Variants in KLF12 observed in about 807,000 individuals in gnomAD.
KLF12 encodes the protein KLF transcription factor 12, also known as Krueppel-like factor 12.
KLF12 carries 9 observed loss-of-function variants against 37.8 expected under a neutral mutation model. The ratio of observed to expected loss-of-function variants is 0.24; its 90% CI spans 0.14 to 0.42. KLF12 has a LOEUF of 0.42. KLF12 is among the 10% of genes least tolerant of loss of function. The pLI is 1.00. For synonymous variants in KLF12, 208 were observed against 202.1 expected (o/e 1.03, Z -0.25); for missense variants, 411 against 516.0 (o/e 0.80, Z 1.97).
intron 2 of KLF12, among the ~76,000 whole-genome samples, chr13:73,958,673 A>G (rs1419394432): frequency 6.6e-6 from 1 of 152,114 alleles, no homozygotes; most frequent in African/African-American, 2.4e-5. Context: ...GCTGTTCTAC[A>G]TTATCATGTC....
intron 1 of KLF12, among the ~76,000 whole-genome samples, chr13:74,086,349 A>G (rs1313815358): frequency 7.2e-6 from 1 of 138,742 alleles, no homozygotes; most frequent in Non-Finnish European, 1.5e-5. Context: ...GTTCCCATCT[A>G]TGAGTGAGAA....
chr13:73,837,558 A>G (rs1413591741), intron 4 of KLF12, among the ~76,000 whole-genome samples: 2 of 152,212 alleles, frequency 1.3e-5, no homozygotes, highest in African/African-American at 2.4e-5. Context: ...TGAAAATTCA[A>G]TATTTCATAA....
At chr13:74,129,951 C>T (rs749742308) in intron 1 of KLF12, among the ~76,000 whole-genome samples, 30 of 152,290 alleles carry the variant, frequency 2.0e-4, no homozygotes, top group African/African-American at 6.7e-4. Context: ...GGGGTGTGGC[C>T]GACCTAGGCC....
chr13:74,166,648 A>T, the KLF12 span, among the ~76,000 whole-genome samples: 1 of 151,986 alleles, frequency 6.6e-6, no homozygotes, highest in Non-Finnish European at 1.5e-5. Flanking sequence ...TATTTTTATT[A>T]CTTATTTTCT....
chr13:74,301,995 A>T, the KLF12 span, among the ~76,000 whole-genome samples: 6 of 152,188 alleles, frequency 3.9e-5, no homozygotes, highest in Non-Finnish European at 8.8e-5. Context: ...ACCCAGGGAC[A>T]TTCATTTCAA....
At chr13:73,796,023 C>T (rs1042952063) in intron 5 of KLF12, among the ~76,000 whole-genome samples, 11 of 152,062 alleles carry the variant, frequency 7.2e-5, no homozygotes, top group African/African-American at 2.2e-4. Context: ...TAAATTGATG[C>T]CTACATCAAT....
At chr13:74,129,786 G>A (rs1369194207) in intron 1 of KLF12, among the ~76,000 whole-genome samples, 3 of 151,774 alleles carry the variant, frequency 2.0e-5, no homozygotes, top group South Asian at 2.1e-4. Flanking sequence ...TTTTTATGGA[G>A]CAATAAGACT....
chr13:74,133,490 T>C (rs1253253829), intron 1 of KLF12, among the ~76,000 whole-genome samples: 3 of 152,052 alleles, frequency 2.0e-5, no homozygotes, highest in African/African-American at 7.2e-5. Context: ...AGAAACCTCC[T>C]TCTTTCTTCT....
At chr13:74,240,458 T>A in the KLF12 span, among the ~76,000 whole-genome samples, 1 of 44,844 alleles carries the variant, frequency 2.2e-5, no homozygotes, top group East Asian at 4.8e-4. Context: ...CTTTGTGGCG[T>A]TCTCTGTATT....
chr13:74,219,500 G>A, the KLF12 span, among the ~76,000 whole-genome samples: 1 of 152,004 alleles, frequency 6.6e-6, no homozygotes, highest in African/African-American at 2.4e-5. Context: ...CATATACCTT[G>A]TATGTACATC....
At chr13:74,284,047 T>A in the KLF12 span, among the ~76,000 whole-genome samples, 1 of 151,930 alleles carries the variant, frequency 6.6e-6, no homozygotes, top group African/African-American at 2.4e-5. Flanking sequence ...TTAGTAGAGA[T>A]GGAGTTTCAC....
chr13:73,865,738 A>C (rs1886144638), intron 3 of KLF12, among the ~76,000 whole-genome samples: 1 of 152,210 alleles, frequency 6.6e-6, no homozygotes, highest in Admixed American at 6.5e-5. Flanking sequence ...TAACAATCAT[A>C]AAATGCTTAA....
At chr13:73,932,104 C>T (rs1251076994) in intron 3 of KLF12, among the ~76,000 whole-genome samples, 1 of 151,586 alleles carries the variant, frequency 6.6e-6, no homozygotes, top group Non-Finnish European at 1.5e-5. Flanking sequence ...CAGATAAAGG[C>T]TTTAAAGAGT....
chr13:74,031,594 A>C, intron 1 of KLF12, among the ~76,000 whole-genome samples: 1 of 152,156 alleles, frequency 6.6e-6, no homozygotes, highest in East Asian at 1.9e-4. Context: ...TCTTGTACCA[A>C]ACCAGACTTT....
chr13:74,181,477 GGA>G, the KLF12 span, among the ~76,000 whole-genome samples: 1 of 150,932 alleles, frequency 6.6e-6, no homozygotes, highest in South Asian at 2.1e-4. Context: ...GAGGTCAGGA[GGA>G]GACCAGCCTG....
rs73531607 is a variant in KLF12, at chr13:73,770,062, A to G, written c.807-5062T>C. ...AAATGATTATCTATACATTGTGCAA[A>G]GCATTAAACATAATACATACTTTAA... On this transcript the variant is annotated intron_variant, in intron 5 of 7. Transcript: ENST00000377669. 8.9e-3 allele frequency among the ~76,000 whole-genome samples: 1,352 copies of G among 152,340 alleles called. 20 individuals are homozygous for G. The highest frequency in any genetic ancestry group is 0.03 in the African/African-American group (1,266 of 41,582).
the KLF12 span, among the ~76,000 whole-genome samples, chr13:74,207,395 G>A: frequency 2.0e-5 from 3 of 152,196 alleles, no homozygotes; most frequent in African/African-American, 4.8e-5. Context: ...TTTCAGGTCA[G>A]GTGGGCGAGG....
intron 5 of KLF12, among the ~76,000 whole-genome samples, chr13:73,797,623 G>T (rs1882053727): frequency 6.6e-6 from 1 of 151,834 alleles, no homozygotes; most frequent in African/African-American, 2.4e-5. Context: ...TTAAAAAATT[G>T]CCTGGGCATG....
chr13:73,799,426 AT>A (rs1882167951), intron 5 of KLF12, among the ~76,000 whole-genome samples: 1 of 151,940 alleles, frequency 6.6e-6, no homozygotes, highest in East Asian at 1.9e-4. Flanking sequence ...AAATGAAAAA[AT>A]ATATATATAT....
Sources: gnomAD v4.1 joint callset for allele counts (sites outside exome capture counted in the v4.1 genomes callset) on GRCh38, gnomAD v4.1.1 for gene constraint, MANE v1.5 for transcripts, NCBI Gene and HGNC (gene_info 2026-07-23, HGNC 2026-07-21) for gene names.